Variants in MUC5AC observed in about 807,000 individuals in gnomAD.
The protein encoded by MUC5AC is mucin-5AC.
MUC5AC carries 158 observed loss-of-function variants against 169.7 expected under a neutral mutation model. The observed-to-expected ratio is 0.93, with a 90% CI of 0.82 to 1.06. The LOEUF is 1.06. Ranked by LOEUF, MUC5AC falls within the 50% of genes least tolerant of loss-of-function variation. The probability of loss-of-function intolerance (pLI) is 0.00; values close to 1 mark genes in which losing one functional copy is unlikely to be tolerated. For missense variants in MUC5AC, 4,359 were observed against 3,089.9 expected, an observed-to-expected ratio of 1.41 and a Z score of -9.74; for synonymous variants, 1,975 against 1,237.0, an observed-to-expected ratio of 1.60 and a Z score of -12.52.
chr11:1,167,771 G>A (rs1254521043), intron 11 of MUC5AC, 106 bp from the exon 12 acceptor site: 1 of 928,376 alleles, frequency 1.1e-6, no homozygotes, highest in African/African-American at 1.6e-5. Context: ...ATGGTGGAGT[G>A]GGGTTTTCTA....
In MUC5AC at chr11:1,194,368, C is replaced by T. The variant is rs909800317; in HGVS notation, c.15006+8C>T. ...GGGGTGATGACAAACGAGGTGGGGG[C>T]GCGCCCGGTGTGCCGCGGAGGGGGT... On this transcript the variant is annotated splice_region_variant and intron_variant, in intron 34 of 48. Transcript: ENST00000621226. 13 of 718,116 alleles carry T rather than the reference C, an allele frequency of 1.8e-5. No homozygotes were observed. Among genetic ancestry groups the T allele is most frequent in the Admixed American group, 7.7e-5 (4 of 52,018 alleles). The allele number at this position is 718,116 out of a possible 1,614,324, so 44.5% of individuals were successfully genotyped here.
rs56352431 is a variant in MUC5AC at position 1,165,631 on chromosome 11, C to T, written c.1257C>T (p.Ser419=). The T allele has an allele frequency of 2.9e-3, 4,618 of 1,612,086 alleles. 110 individuals are homozygous for T. The African/African-American group carries it at 0.05, about 18-fold the overall frequency. ...YSTDCTNCTC[S]GGRWSCQEVP... ...CATCTCTTGCTCTCAGCACCTGCTCCGGAGGCCGGTGGAGCTGCCAGGAGG... is the reference window on the plus strand; with the variant it reads ...CATCTCTTGCTCTCAGCACCTGCTCTGGAGGCCGGTGGAGCTGCCAGGAGG... Residue 419 remains serine, a synonymous_variant, in exon 11 of 49, where the codon TCC becomes TCT. Transcript: ENST00000621226.
At chr11:1,165,589 C>G (rs560107349) in intron 10 of MUC5AC, 33 bp from the exon 11 acceptor site, 140 of 1,608,796 alleles carry the variant, frequency 8.7e-5, no homozygotes, top group Non-Finnish European at 1.1e-4. Flanking sequence ...CTCCTGGGGC[C>G]GGCACCCACG....
chr11:1,187,954 A>C lies in MUC5AC; in HGVS notation c.9809A>C (p.Gln3270Pro). 1.3e-5 allele frequency: 10 copies of C among 755,448 alleles called. No individual in the cohort carries two copies. The highest frequency in any genetic ancestry group is 2.4e-6 in the Non-Finnish European group (1 of 412,028). The allele number at this position is 755,448 out of a possible 1,614,324, so 46.8% of individuals were successfully genotyped here. The change falls in exon 31 of 49, where the codon CAG becomes CCG. Residue 3270 changes from glutamine to proline, a missense_variant. Gln to Pro is a moderately conservative substitution (Grantham distance 76, BLOSUM62 -1). Coordinates refer to ENST00000621226, the MANE Select transcript of MUC5AC (RefSeq NM_001304359.2). ...CRRPEEITRL[Q>P]CRAESHPEVS... Reference sequence around the variant, plus strand: ...CGACCTGAGGAGATCACCAGGCTCCAGTGCCGAGCCGAGAGCCACCCGGAG... The same window carrying C: ...CGACCTGAGGAGATCACCAGGCTCCCGTGCCGAGCCGAGAGCCACCCGGAG...
chr11:1,179,054 G>C (rs889087979), intron 25 of MUC5AC, 38 bp from the exon 26 acceptor site: 6 of 473,004 alleles, frequency 1.3e-5, no homozygotes, highest in East Asian at 6.5e-5. Flanking sequence ...GCGGGGTGGT[G>C]GGGGGGTCCC....
chr11:1,159,270 G>A (rs1279588559), intron 1 of MUC5AC, among the ~76,000 whole-genome samples: 1 of 152,200 alleles, frequency 6.6e-6, no homozygotes, highest in Non-Finnish European at 1.5e-5. Context: ...GCTGGGGCTG[G>A]GGTGCAGGCG....
chr11:1,161,500 G>T (rs764827064), intron 2 of MUC5AC, 27 bp from the exon 3 acceptor site: 9 of 1,561,120 alleles, frequency 5.8e-6, no homozygotes, highest in Non-Finnish European at 7.8e-6. Context: ...GGCCGTGCGT[G>T]AATCCTACCA....
rs1330825812 is a variant in MUC5AC at position 1,165,292 on chromosome 11, A to AC, written c.1130-6dup. 6 of 1,608,632 alleles carry AC rather than the reference A, an allele frequency of 3.7e-6. No individual in the cohort carries two copies. In the Admixed American group the frequency reaches 8.4e-5, roughly 22 times the overall value. On this transcript the variant is annotated splice_polypyrimidine_tract_variant and intron_variant, in intron 9 of 48. Transcript: ENST00000621226. ...CAGGCGCCCGTCATAGGCCTGCCTG[A>AC]CCCCTGCAGGGACGGTGCTTGACGA...
rs1401403479 is a variant in MUC5AC, at chr11:1,188,169, A to G, written c.10024A>G (p.Arg3342Gly). The stretch of plus-strand genomic sequence containing the variant: ...GACAGCTCCTAGCACCCCTAGTGGG[A>G]GAGCCACCAGCCCAACTCAGAGCAC... ...PVTAPSTPSG[R>G]ATSPTQSTSS... is the part of the protein sequence containing the mutation. Residue 3342 changes from arginine (R) to glycine (G), a missense_variant, in exon 31 of 49, where the codon AGA becomes GGA. Coordinates refer to ENST00000621226, the MANE Select transcript of MUC5AC (RefSeq NM_001304359.2). 5.7e-6 allele frequency: 4 copies of G among 703,266 alleles called. No homozygotes were observed. The highest frequency in any genetic ancestry group is 1.0e-5 in the Non-Finnish European group (4 of 386,808). The allele number at this position is 703,266 out of a possible 1,614,324, so 43.6% of individuals were successfully genotyped here.
At chr11:1,158,739 C>T (rs550673361) in intron 1 of MUC5AC, among the ~76,000 whole-genome samples, 6 of 152,280 alleles carry the variant, frequency 3.9e-5, no homozygotes, top group Non-Finnish European at 5.9e-5. Flanking sequence ...GGGGTAATGC[C>T]GGGGTTTGGA....
chr11:1,161,741 G>A (rs1224889510), intron 3 of MUC5AC, among the ~76,000 whole-genome samples, 155 bp downstream of exon 3: 3 of 152,122 alleles, frequency 2.0e-5, no homozygotes, highest in African/African-American at 4.8e-5. Context: ...CCCTGCACAC[G>A]TTTCTGGGAC....
chr11:1,182,693 G>GTC lies in MUC5AC; in HGVS notation c.4556_4557dup (p.Thr1520LeufsTer79), dbSNP rs1389363712. ...CTCCCAGCAGCACACCTGGCACCGT[G>GTC]TCTCTCTCTACAGCCAGGACGACAC... is the stretch of plus-strand genomic sequence containing the variant. On this transcript the variant is annotated frameshift_variant, in exon 31 of 49. Transcript: ENST00000621226. LOFTEE classifies it high-confidence loss of function. The GTC allele has an allele frequency of 7.5e-6, 3 of 398,732 alleles. No individual in the cohort carries two copies. The highest frequency in any genetic ancestry group is 1.3e-5 in the Non-Finnish European group (3 of 226,198). 24.7% of individuals were successfully genotyped at this position (398,732 alleles called of 1,614,324 possible). A position where few individuals can be genotyped will look rare whatever the true frequency, so the allele number is the denominator to read the frequency against.
In MUC5AC at chr11:1,195,144, C is replaced by G; in HGVS notation, c.15323C>G (p.Thr5108Arg). The change falls in exon 36 of 49, where the codon ACG (threonine) becomes AGG (arginine). Residue 5108 changes from threonine to arginine, a missense_variant. Physicochemically the swap from Thr to Arg is moderately conservative, Grantham distance 71. Coordinates refer to ENST00000621226, the MANE Select transcript of MUC5AC (RefSeq NM_001304359.2). The part of the protein sequence containing the change: ...DQPACHRPHP[T>R]PTTVGPTTVG... ...CCAGCCTGCCACCGGCCTCACCCGA[C>G]GCCCACCACGGTCGGGCCCACCACA... 1.3e-6 allele frequency: 1 copy of G among 761,314 alleles called. No individual in the cohort carries two copies. The allele number at this position is 761,314 out of a possible 1,614,324, so 47.2% of individuals were successfully genotyped here. A position where few individuals can be genotyped will look rare whatever the true frequency, so the allele number is the denominator to read the frequency against.
chr11:1,184,685 G>C lies in MUC5AC; in HGVS notation c.6540G>C (p.Gln2180His). ...AGGTGAGCATCGAACACCTGGGCCA[G>C]GTGGTGCAGTGCAGCCGGGAAGAGG... is the stretch of plus-strand genomic sequence containing the variant. ...HPEVSIEHLG[Q>H]VVQCSREEGL... The change falls in exon 31 of 49, where the codon CAG (glutamine) becomes CAC (histidine). Residue 2180 changes from glutamine to histidine, a missense_variant. Coordinates refer to ENST00000621226, the MANE Select transcript of MUC5AC (RefSeq NM_001304359.2). 1 of 667,398 alleles carries C rather than the reference G, an allele frequency of 1.5e-6. No individual in the cohort carries two copies. The highest frequency in any genetic ancestry group is 2.7e-6 in the Non-Finnish European group (1 of 367,514). The allele number at this position is 667,398 out of a possible 1,614,324, so 41.3% of individuals were successfully genotyped here. A position where few individuals can be genotyped will look rare whatever the true frequency, so the allele number is the denominator to read the frequency against.
intron 5 of MUC5AC, 21 bp from the exon 6 acceptor site, chr11:1,162,934 C>G: frequency 1.2e-6 from 2 of 1,607,340 alleles, no homozygotes; most frequent in Non-Finnish European, 8.5e-7. Flanking sequence ...GGATGGGTGT[C>G]TGATGTCTCT....
At chr11:1,199,547 G>A (rs779602106) in intron 46 of MUC5AC, 57 bp downstream of exon 46, 129 of 699,002 alleles carry the variant, frequency 1.8e-4, no homozygotes, top group Non-Finnish European at 2.1e-4. Context: ...GATGGGTTTG[G>A]GGGGCTGTGA....
In MUC5AC at chr11:1,184,751, G is replaced by T. The variant is rs1354981641; in HGVS notation, c.6606G>T (p.Lys2202Asn). Residue 2202 changes from lysine to asparagine, a missense_variant, in exon 31 of 49, where the codon AAG becomes AAT. Lys to Asn is a moderately conservative substitution (Grantham distance 94). Transcript: ENST00000621226. ...CRNQDQQGPF[K>N]MCLNYEVRVL... ...ACCAGGACCAGCAGGGACCCTTCAA[G>T]ATGTGCCTCAACTACGAGGTGCGTG... is the stretch of plus-strand genomic sequence containing the variant. 7.8e-6 allele frequency: 5 copies of T among 643,516 alleles called. No individual in the cohort carries two copies. The African/African-American group carries it at 9.1e-5, about 12-fold the overall frequency. The allele number at this position is 643,516 out of a possible 1,614,324, so 39.9% of individuals were successfully genotyped here. A position where few individuals can be genotyped will look rare whatever the true frequency, so the allele number is the denominator to read the frequency against.
Position 1,167,963 on chromosome 11 carries a change from A to G in MUC5AC, c.1473A>G (p.Thr491=), listed in dbSNP as rs985609811. The G allele has an allele frequency of 2.6e-6, 4 of 1,550,626 alleles. No homozygotes were observed. In the East Asian group the frequency reaches 7.3e-5, roughly 28 times the overall value. ...GCGAGACCTGCCTGAAGAGCGTGACACTGAGCCTGGATGGGGCGCAGACGG... is the reference window on the plus strand; with the variant it reads ...GCGAGACCTGCCTGAAGAGCGTGACGCTGAGCCTGGATGGGGCGCAGACGG... ...TDSETCLKSV[T]LSLDGAQTVV... is the part of the protein sequence containing the mutation. The change falls in exon 12 of 49, where the codon ACA becomes ACG. Residue 491 remains threonine, a synonymous_variant. Transcript: ENST00000621226.
chr11:1,196,065 C>T lies in MUC5AC; in HGVS notation c.15637+11C>T. On this transcript the variant is annotated intron_variant, in intron 37 of 48. Transcript: ENST00000621226. ...CCGGCCACATGTGCCGTGAGTGCCACCACTGTCCTCAGGGTCCCAAGTCGC... is the reference window on the plus strand; with the variant it reads ...CCGGCCACATGTGCCGTGAGTGCCATCACTGTCCTCAGGGTCCCAAGTCGC... 1.3e-6 allele frequency: 1 copy of T among 761,866 alleles called. No homozygotes were observed. The highest frequency in any genetic ancestry group is 2.3e-4 in the Middle Eastern group (1 of 4,410). The allele number at this position is 761,866 out of a possible 1,614,324, so 47.2% of individuals were successfully genotyped here.
Sources: gnomAD v4.1 joint callset for allele counts (sites outside exome capture counted in the v4.1 genomes callset) on GRCh38, gnomAD v4.1.1 for gene constraint, MANE v1.5 for transcripts, NCBI Gene and HGNC (gene_info 2026-07-23, HGNC 2026-07-21) for gene names.